Variants in STX2 observed in about 807,000 individuals in gnomAD.
STX2 encodes syntaxin 2, also known as syntaxin-2.
In STX2, 27 loss-of-function variants were observed where a neutral mutation model predicts 40.6. That is an observed-to-expected ratio of 0.66 (90% confidence interval 0.49 to 0.92). The LOEUF (loss-of-function observed/expected upper bound fraction) is 0.92. Among genes scored for constraint, STX2 ranks in the 40% least tolerant of loss-of-function variants. STX2 has a pLI of 0.00. For missense variants in STX2, 328 were observed against 366.1 expected, an observed-to-expected ratio of 0.90 and a Z score of 0.85; for synonymous variants, 123 against 119.1, an observed-to-expected ratio of 1.03 and a Z score of -0.22.
rs532022332 is a variant in STX2, at chr12:130,807,150, A to G, written c.355-60T>C. On this transcript the variant is annotated intron_variant, in intron 5 of 10. Coordinates refer to ENST00000392373, the MANE Select transcript of STX2 (RefSeq NM_194356.4). ...GGCCATGCCTTCTACTGAAAGTGAC[A>G]TGCAAGACATGCATTTTGGAAACTC... The G allele has an allele frequency of 4.8e-4, 723 of 1,505,382 alleles. 1 individual carries two copies. The highest frequency in any genetic ancestry group is 6.3e-4 in the Non-Finnish European group (684 of 1,087,076). 93.3% of individuals were successfully genotyped at this position (1,505,382 alleles called of 1,614,324 possible).
intron 1 of STX2, among the ~76,000 whole-genome samples, chr12:130,830,750 T>A (rs1952528803): frequency 6.6e-6 from 1 of 152,200 alleles, no homozygotes; most frequent in South Asian, 2.1e-4. Context: ...ACATTATTCT[T>A]GTCTTCAATG....
At chr12:130,807,199 G>A in intron 5 of STX2, 109 bp from the exon 6 acceptor site, 3 of 1,048,238 alleles carry the variant, frequency 2.9e-6, no homozygotes, top group Non-Finnish European at 4.2e-6. Context: ...TTCTGCTCCT[G>A]CAAATGGAAA....
At chr12:130,797,604 A>G (rs979759846) in intron 9 of STX2, among the ~76,000 whole-genome samples, 26 of 152,168 alleles carry the variant, frequency 1.7e-4, no homozygotes, top group African/African-American at 6.3e-4. Context: ...ATTTTTTCCT[A>G]ACACGGTGAA....
chr12:130,805,103 A>G (rs1407123577), intron 6 of STX2, among the ~76,000 whole-genome samples: 1 of 152,206 alleles, frequency 6.6e-6, no homozygotes, highest in Non-Finnish European at 1.5e-5. Flanking sequence ...GCCTGTAATG[A>G]TGACTTTCAC....
chr12:130,804,077 G>T (rs1379984187), intron 6 of STX2, among the ~76,000 whole-genome samples: 1 of 152,118 alleles, frequency 6.6e-6, no homozygotes, highest in African/African-American at 2.4e-5. Context: ...GAAAAATTCT[G>T]AACTCTGAAA....
chr12:130,807,510 C>T (rs1951484479), intron 5 of STX2, among the ~76,000 whole-genome samples: 1 of 151,642 alleles, frequency 6.6e-6, no homozygotes, highest in African/African-American at 2.4e-5. Context: ...GGGACCCAGG[C>T]AGGCGGACCC....
intron 3 of STX2, among the ~76,000 whole-genome samples, chr12:130,821,014 C>T (rs1952091297): frequency 1.3e-5 from 2 of 152,168 alleles, no homozygotes; most frequent in South Asian, 2.1e-4. Flanking sequence ...ACGCCCCTAA[C>T]GCTGAGTTAA....
intron 9 of STX2, among the ~76,000 whole-genome samples, chr12:130,796,432 G>T (rs750893243): frequency 6.6e-6 from 1 of 152,164 alleles, no homozygotes; most frequent in Non-Finnish European, 1.5e-5. Context: ...GTTGCAGAGA[G>T]CCAGGATCGT....
rs746151503 is a variant in STX2, at chr12:130,796,126, A to G, written c.787-6T>C. On this transcript the variant is annotated splice_region_variant and splice_polypyrimidine_tract_variant and intron_variant, in intron 9 of 10. Transcript: ENST00000392373. ...GCAATAATTATCCACTTTTTCTGTC[A>G]AAGAAAAGCAAGCTGATTATATCAT... is the stretch of plus-strand genomic sequence containing the variant. 24 of 1,613,888 alleles carry G rather than the reference A, an allele frequency of 1.5e-5. No homozygotes were observed. Among genetic ancestry groups the G allele is most frequent in the Admixed American group, 1.3e-4 (8 of 59,982 alleles).
intron 1 of STX2, among the ~76,000 whole-genome samples, chr12:130,829,781 T>A (rs945794540): frequency 1.3e-5 from 2 of 152,108 alleles, no homozygotes; most frequent in African/African-American, 2.4e-5. Flanking sequence ...GAGTGAAGCA[T>A]CACCGCTTTA....
chr12:130,813,892 A>G (rs1447138042), intron 3 of STX2, among the ~76,000 whole-genome samples: 2 of 152,216 alleles, frequency 1.3e-5, no homozygotes, highest in Admixed American at 1.3e-4. Context: ...AGAGTCCTGC[A>G]CTTGCCTCTC....
intron 4 of STX2, 34 bp downstream of exon 4, chr12:130,812,923 A>G (rs749312271): frequency 1.4e-6 from 2 of 1,397,726 alleles, no homozygotes; most frequent in Non-Finnish European, 2.0e-6. Context: ...CATACTCCCA[A>G]CATCAATAAT....
intron 2 of STX2, among the ~76,000 whole-genome samples, chr12:130,822,150 C>A (rs1354100735): frequency 1.3e-5 from 2 of 152,180 alleles, no homozygotes; most frequent in Non-Finnish European, 2.9e-5. Flanking sequence ...GGCACAGTGG[C>A]TCACACCTGT....
chr12:130,818,185 A>AAAAATATATATATATATATATATATATAT, intron 3 of STX2, among the ~76,000 whole-genome samples: 2 of 70,546 alleles, frequency 2.8e-5, no homozygotes, highest in Non-Finnish European at 4.6e-5. Context: ...AAAAAAAAAA[A>AAAAATATATATATATATATATATATATAT]ATATATATAT....
At chr12:130,822,773 G>C (rs1028580845) in intron 2 of STX2, among the ~76,000 whole-genome samples, 1 of 152,202 alleles carries the variant, frequency 6.6e-6, no homozygotes, top group African/African-American at 2.4e-5. Flanking sequence ...ATTTATGCCA[G>C]AGGCTGCAAT....
intron 6 of STX2, among the ~76,000 whole-genome samples, chr12:130,805,065 A>G (rs1475668489): frequency 6.6e-6 from 1 of 152,212 alleles, no homozygotes; most frequent in Non-Finnish European, 1.5e-5. Context: ...AGAGTCCCAG[A>G]GCATAAATCC....
At chr12:130,815,848 T>C (rs1792508998) in intron 3 of STX2, among the ~76,000 whole-genome samples, 1 of 152,254 alleles carries the variant, frequency 6.6e-6, no homozygotes, top group African/African-American at 2.4e-5. Context: ...TTCCATTTTA[T>C]GTCTCCTTCA....
At chr12:130,832,058 G>A (rs1952583818) in intron 1 of STX2, among the ~76,000 whole-genome samples, 5 of 151,988 alleles carry the variant, frequency 3.3e-5, no homozygotes, top group Admixed American at 2.6e-4. Flanking sequence ...TGTGGCCCAG[G>A]CTGGCCTTGA....
intron 10 of STX2, among the ~76,000 whole-genome samples, chr12:130,793,541 G>A (rs1179008012): frequency 6.6e-6 from 1 of 152,196 alleles, no homozygotes; most frequent in Non-Finnish European, 1.5e-5. Context: ...TGCCACATCT[G>A]GCTTTCAGGA....
Sources: gnomAD v4.1 joint callset for allele counts (sites outside exome capture counted in the v4.1 genomes callset) on GRCh38, gnomAD v4.1.1 for gene constraint, MANE v1.5 for transcripts, NCBI Gene and HGNC (gene_info 2026-07-23, HGNC 2026-07-21) for gene names.